The following SLC25A15 variants were observed in gnomAD, a reference collection of about 807,000 sequenced individuals.
The protein encoded by SLC25A15 is mitochondrial ornithine transporter 1.
In SLC25A15, 24 loss-of-function variants were observed where a neutral mutation model predicts 32.3. That is an observed-to-expected ratio of 0.74 (90% CI 0.54 to 1.04). SLC25A15 has a LOEUF of 1.04. Ranked by LOEUF, SLC25A15 falls within the 50% of genes least tolerant of loss-of-function variation. The pLI is 0.00. For missense variants in SLC25A15, 317 were observed against 374.5 expected, an observed-to-expected ratio of 0.85 and a Z score of 1.27; for synonymous variants, 132 against 142.1, an observed-to-expected ratio of 0.93 and a Z score of 0.51.
rs1882408310 is a variant in SLC25A15 at position 40,810,662 on chromosome 13, G to A, written c.*995G>A. The A allele has an allele frequency of 7.9e-5, 38 of 481,494 alleles. 1 individual carries two copies. The highest frequency in any genetic ancestry group is 5.3e-4 in the South Asian group (34 of 64,162). The allele number at this position is 481,494 out of a possible 1,614,324, so 29.8% of individuals were successfully genotyped here. On this transcript the variant is annotated 3_prime_UTR_variant, in exon 7 of 7. Transcript: ENST00000338625. The stretch of plus-strand genomic sequence containing the variant: ...TTTTCTAGGTGGGATCATATTCCAC[G>A]CTGACTATATTGCTAGGGGTGGCCC...
intron 3 of SLC25A15, among the ~76,000 whole-genome samples, chr13:40,801,776 T>C (rs1171007936): frequency 2.6e-5 from 4 of 152,226 alleles, no homozygotes; most frequent in African/African-American, 4.8e-5. Context: ...GCAGGAGTGC[T>C]CAGGTACATG....
At chr13:40,793,631 C>G (rs1041310116) in intron 2 of SLC25A15, among the ~76,000 whole-genome samples, 2 of 152,138 alleles carry the variant, frequency 1.3e-5, no homozygotes, top group African/African-American at 4.8e-5. Flanking sequence ...AACTATAATC[C>G]CAGAGAAAAC....
intron 3 of SLC25A15, chr13:40,802,308 C>T (rs1881924160): frequency 6.6e-6 from 1 of 152,220 alleles, no homozygotes; most frequent in African/African-American, 2.4e-5. Flanking sequence ...TGTGCAAGTA[C>T]ATTTGTGTAC....
intron 1 of SLC25A15, among the ~76,000 whole-genome samples, chr13:40,790,503 C>T (rs776412278): frequency 1.3e-5 from 2 of 152,232 alleles, no homozygotes; most frequent in Non-Finnish European, 2.9e-5. Context: ...TGTGAATTAG[C>T]TGCCCACTCC....
At chr13:40,794,054 T>G (rs1331360167) in intron 2 of SLC25A15, among the ~76,000 whole-genome samples, 2 of 152,172 alleles carry the variant, frequency 1.3e-5, no homozygotes, top group Non-Finnish European at 2.9e-5. Flanking sequence ...GAAATGTCTT[T>G]AAAAGGCTGG....
chr13:40,793,561 A>G (rs1311591205), intron 2 of SLC25A15, among the ~76,000 whole-genome samples: 1 of 152,224 alleles, frequency 6.6e-6, no homozygotes, highest in Non-Finnish European at 1.5e-5. Context: ...TGATAGCACA[A>G]TGACGAAATT....
intron 3 of SLC25A15, chr13:40,802,323 T>C (rs567841114): frequency 6.6e-6 from 1 of 152,358 alleles, no homozygotes; most frequent in East Asian, 1.9e-4. Flanking sequence ...GTGTACCTGG[T>C]TCTCCTTTGC....
Position 40,812,197 on chromosome 13 carries a change from A to C in SLC25A15, c.*2530A>C, listed in dbSNP as rs1360673837. Reference sequence around the variant, plus strand: ...CCTGCTCAGTGTCCGGAAAGAAGTCAGTCATCCCTGTTGGCAGTAAATCTT... The same window carrying C: ...CCTGCTCAGTGTCCGGAAAGAAGTCCGTCATCCCTGTTGGCAGTAAATCTT... On this transcript the variant is annotated 3_prime_UTR_variant, in exon 7 of 7. Coordinates refer to ENST00000338625, the MANE Select transcript of SLC25A15 (RefSeq NM_014252.4). Among the ~76,000 whole-genome samples the C allele has an allele frequency of 6.6e-6, 1 of 152,236 alleles. No individual in the cohort carries two copies. The highest frequency in any genetic ancestry group is 1.5e-5 in the Non-Finnish European group (1 of 68,046).
chr13:40,793,032 T>C, intron 1 of SLC25A15, 126 bp from the exon 2 acceptor site: 1 of 645,266 alleles, frequency 1.5e-6, no homozygotes, highest in Non-Finnish European at 2.8e-6. Flanking sequence ...TTGAGCCCCT[T>C]TCCTTTGGAA....
rs778928196 is a variant in SLC25A15 at position 40,793,237 on chromosome 13, A to G, written c.11A>G (p.Asn4Ser). Residue 4 changes from asparagine to serine, a missense_variant, in exon 2 of 7, where the codon AAT (asparagine) becomes AGT (serine). Transcript: ENST00000338625. Reference sequence around the variant, plus strand: ...GAAGAGTGGGCAAACATGAAATCCAATCCTGCTATCCAGGCTGCCATTGAC... The same window carrying G: ...GAAGAGTGGGCAAACATGAAATCCAGTCCTGCTATCCAGGCTGCCATTGAC... MKSNPAIQAAIDLT... is the reference protein window; with the variant it reads MKSSPAIQAAIDLT... 4.3e-6 allele frequency: 7 copies of G among 1,614,098 alleles called. No individual in the cohort carries two copies. The highest frequency in any genetic ancestry group is 1.6e-4 in the Middle Eastern group (1 of 6,062).
chr13:40,806,741 T>G (rs1882195328), intron 4 of SLC25A15, among the ~76,000 whole-genome samples: 1 of 152,228 alleles, frequency 6.6e-6, no homozygotes, highest in Non-Finnish European at 1.5e-5. Context: ...TGGCCTGTTC[T>G]TAGCAGGGAT....
rs1882444212 is a variant in SLC25A15 at position 40,811,393 on chromosome 13, G to T, written c.*1726G>T. On this transcript the variant is annotated 3_prime_UTR_variant, in exon 7 of 7. Transcript: ENST00000338625. Reference sequence around the variant, plus strand: ...AATCCCAGCTACTCAGGAGGCTGAGGCAGGAGAATCGCTTGAACCCGGGAG... The same window carrying T: ...AATCCCAGCTACTCAGGAGGCTGAGTCAGGAGAATCGCTTGAACCCGGGAG... Among the ~76,000 whole-genome samples the T allele has an allele frequency of 6.6e-6, 1 of 152,082 alleles. No individual in the cohort carries two copies. Among genetic ancestry groups the T allele is most frequent in the South Asian group, 2.1e-4 (1 of 4,820 alleles).
chr13:40,799,427 A>G, intron 3 of SLC25A15, 112 bp downstream of exon 3: 2 of 1,399,712 alleles, frequency 1.4e-6, no homozygotes, highest in Admixed American at 1.9e-5. Flanking sequence ...AAGGCAGGAA[A>G]ATGGCTTGAG....
chr13:40,806,874 A>T (rs1882204421), intron 4 of SLC25A15, among the ~76,000 whole-genome samples: 1 of 152,244 alleles, frequency 6.6e-6, no homozygotes, highest in African/African-American at 2.4e-5. Flanking sequence ...GCTCTGAGAA[A>T]TAAATTCTTG....
chr13:40,799,324 A>G lies in SLC25A15; in HGVS notation c.314+9A>G. The G allele has an allele frequency of 6.2e-7, 1 of 1,614,142 alleles. No individual in the cohort carries two copies. The highest frequency in any genetic ancestry group is 8.5e-7 in the Non-Finnish European group (1 of 1,180,000). ...AAGCAGGCAAAGCTGAGGTGAGTCA[A>G]GGACACACACTTTTTTTATTTGTTT... is the stretch of plus-strand genomic sequence containing the variant. On this transcript the variant is annotated intron_variant, in intron 3 of 6. Transcript: ENST00000338625.
rs74044590 is a variant in SLC25A15, at chr13:40,805,770, C to A, written c.452+515C>A. 3.7e-3 allele frequency among the ~76,000 whole-genome samples: 569 copies of A among 152,302 alleles called. 2 individuals carry two copies. The highest frequency in any genetic ancestry group is 0.013 in the African/African-American group (547 of 41,568). ...TGGCCCAAGTTCTGAGAACATTAAT[C>A]AATACTTTTATAAGCATAGCTACTC... On this transcript the variant is annotated intron_variant, in intron 4 of 6. Transcript: ENST00000338625.
chr13:40,791,432 A>T (rs991170700), intron 1 of SLC25A15, among the ~76,000 whole-genome samples: 16 of 150,800 alleles, frequency 1.1e-4, no homozygotes, highest in African/African-American at 3.7e-4. Context: ...ATCTCGGCTC[A>T]CTGCAACCTC....
intron 3 of SLC25A15, among the ~76,000 whole-genome samples, chr13:40,804,692 C>T (rs1183933944): frequency 2.0e-5 from 3 of 151,162 alleles, no homozygotes; most frequent in Non-Finnish European, 4.4e-5. Context: ...CAGGCACCCA[C>T]CACTACGCCC....
intron 1 of SLC25A15, among the ~76,000 whole-genome samples, chr13:40,791,333 AT>A (rs374362473): frequency 1.5e-5 from 2 of 132,550 alleles, no homozygotes; most frequent in Admixed American, 7.7e-5. Flanking sequence ...TTATTTATTT[AT>A]TTTATTTTTT....
Sources: gnomAD v4.1 joint callset for allele counts (sites outside exome capture counted in the v4.1 genomes callset) on GRCh38, gnomAD v4.1.1 for gene constraint, MANE v1.5 for transcripts, NCBI Gene and HGNC (gene_info 2026-07-23, HGNC 2026-07-21) for gene names.